Variants in TTI1 observed in about 807,000 individuals in gnomAD.
The protein encoded by TTI1 is TELO2 interacting protein 1, also known as TELO2-interacting protein 1 homolog.
Under a neutral mutation model 85.4 loss-of-function variants are expected in TTI1, and 52 were observed. The observed-to-expected ratio is 0.61, with a 90% CI of 0.49 to 0.77. TTI1 has a LOEUF of 0.77. Among genes scored for constraint, TTI1 ranks in the 30% least tolerant of loss-of-function variants. TTI1 has a pLI of 0.00. For missense variants in TTI1, 1,173 were observed against 1,296.0 expected (o/e 0.91, Z 1.46); for synonymous variants, 512 against 503.9 (o/e 1.02, Z -0.22).
At chr20:38,008,099 T>C (rs1204772589) in intron 2 of TTI1, among the ~76,000 whole-genome samples, 5 of 152,218 alleles carry the variant, frequency 3.3e-5, no homozygotes, top group Non-Finnish European at 7.3e-5. Context: ...TTTTCTCCTA[T>C]TGGATTAGCA....
intron 7 of TTI1, among the ~76,000 whole-genome samples, chr20:37,995,730 A>G (rs987670435): frequency 1.3e-5 from 2 of 152,246 alleles, no homozygotes; most frequent in Non-Finnish European, 2.9e-5. Flanking sequence ...TTCTTCTCCT[A>G]GAGGTGATAC....
chr20:37,984,634 G>A (rs1027844491), intron 7 of TTI1, among the ~76,000 whole-genome samples: 7 of 152,120 alleles, frequency 4.6e-5, no homozygotes, highest in Non-Finnish European at 8.8e-5. Flanking sequence ...GCTCACCATC[G>A]CCTGCTCGGA....
chr20:37,984,742 C>G (rs1476616870), intron 7 of TTI1, among the ~76,000 whole-genome samples: 1 of 152,178 alleles, frequency 6.6e-6, no homozygotes, highest in African/African-American at 2.4e-5. Flanking sequence ...CACATATTGA[C>G]CATTGATTGT....
In TTI1 at chr20:38,013,853, G is replaced by A; in HGVS notation, c.-37C>T. On this transcript the variant is annotated 5_prime_UTR_variant, in exon 2 of 8. Transcript: ENST00000373447. ...CTTCCCCTCATTGAGGAAACATCCT[G>A]CAGGCTGGAGGAAGGAAACTGTTCA... is the stretch of plus-strand genomic sequence containing the variant. 6.3e-7 allele frequency: 1 copy of A among 1,577,246 alleles called. No individual in the cohort carries two copies. The highest frequency in any genetic ancestry group is 1.2e-5 in the South Asian group (1 of 86,474).
At position 38,011,587 on chromosome 20, in the gene TTI1, T is replaced by C; in HGVS notation, c.2230A>G (p.Thr744Ala). The C allele has an allele frequency of 6.2e-7, 1 of 1,614,150 alleles. No individual in the cohort carries two copies. The change falls in exon 2 of 8, where the codon ACC becomes GCC. Residue 744 changes from threonine to alanine, a missense_variant. By Grantham distance (58) the Thr-to-Ala change is moderately conservative. Coordinates refer to ENST00000373447, the MANE Select transcript of TTI1 (RefSeq NM_001303457.2). Reference protein sequence around the residue: ...VADVVQDVLATLDQFYDKRAA... With the variant: ...VADVVQDVLAALDQFYDKRAA... Reference sequence around the variant, plus strand: ...CTCTTATCGTAAAATTGGTCCAGGGTGGCCAAGACATCTTGAACCACATCT... The same window carrying C: ...CTCTTATCGTAAAATTGGTCCAGGGCGGCCAAGACATCTTGAACCACATCT...
At chr20:38,016,109 G>C (rs1302106881) in intron 1 of TTI1, among the ~76,000 whole-genome samples, 1 of 152,176 alleles carries the variant, frequency 6.6e-6, no homozygotes, top group Non-Finnish European at 1.5e-5. Context: ...AGAAGACAGT[G>C]GAATAGCACC....
intron 7 of TTI1, 99 bp from the exon 8 acceptor site, chr20:37,983,738 A>G: frequency 1.8e-6 from 2 of 1,108,980 alleles, no homozygotes; most frequent in Non-Finnish European, 2.4e-6. Flanking sequence ...CTATTTGAGA[A>G]GAAACTGATA....
chr20:37,998,023 G>A (rs1275062317), intron 5 of TTI1, among the ~76,000 whole-genome samples: 2 of 152,086 alleles, frequency 1.3e-5, no homozygotes, highest in South Asian at 2.1e-4. Flanking sequence ...TCTGAAGCCC[G>A]AGTTCAAGCA....
chr20:38,033,059 T>A (rs1253844460), intron 1 of TTI1, among the ~76,000 whole-genome samples: 3 of 152,058 alleles, frequency 2.0e-5, no homozygotes, highest in African/African-American at 7.2e-5. Flanking sequence ...TGTTACAGAC[T>A]AAAAGGTCAA....
intron 5 of TTI1, among the ~76,000 whole-genome samples, chr20:37,997,408 G>C (rs1455875234): frequency 6.6e-6 from 1 of 152,220 alleles, no homozygotes; most frequent in African/African-American, 2.4e-5. Context: ...GGCATCAGGA[G>C]GTTAGTGACT....
chr20:38,023,970 T>C (rs1441399672), intron 1 of TTI1, among the ~76,000 whole-genome samples: 1 of 152,124 alleles, frequency 6.6e-6, no homozygotes, highest in Non-Finnish European at 1.5e-5. Context: ...TTCCGGAAAT[T>C]ACTCTAGGCT....
At position 38,002,863 on chromosome 20, in the gene TTI1, C is replaced by T; in HGVS notation, c.2504-87G>A. 2.6e-6 allele frequency: 4 copies of T among 1,567,146 alleles called. No homozygotes were observed. The Admixed American group carries it at 5.1e-5, about 20-fold the overall frequency. On this transcript the variant is annotated intron_variant, in intron 3 of 7. Coordinates refer to ENST00000373447, the MANE Select transcript of TTI1 (RefSeq NM_001303457.2). ...TTCTGTTCTTTATAAATTACTCAGT[C>T]TTAGGTATTTGGTTACAGCAGCACA... is the stretch of plus-strand genomic sequence containing the variant.
At chr20:38,019,370 T>C (rs1486688521) in intron 1 of TTI1, among the ~76,000 whole-genome samples, 5 of 152,150 alleles carry the variant, frequency 3.3e-5, no homozygotes, top group South Asian at 2.1e-4. Flanking sequence ...TTTGTGTATA[T>C]ATAAAACTAA....
chr20:38,031,355 G>C (rs1489714682), intron 1 of TTI1, among the ~76,000 whole-genome samples: 3 of 152,160 alleles, frequency 2.0e-5, no homozygotes, highest in Non-Finnish European at 4.4e-5. Flanking sequence ...TATCACTCCA[G>C]CTTTATTGTC....
At chr20:37,984,091 TTAA>T (rs1388625247) in intron 7 of TTI1, among the ~76,000 whole-genome samples, 4 of 152,084 alleles carry the variant, frequency 2.6e-5, no homozygotes, top group African/African-American at 9.7e-5. Context: ...TGAGCAAGCC[TTAA>T]TATTATGGTC....
At position 37,983,119 on chromosome 20, in the gene TTI1, G is replaced by T. The variant is rs975893274; in HGVS notation, c.*337C>A. On this transcript the variant is annotated 3_prime_UTR_variant, in exon 8 of 8. Coordinates refer to ENST00000373447, the MANE Select transcript of TTI1 (RefSeq NM_001303457.2). ...CATCTCATTATTTGAAGACAGGGAG[G>T]TGTATGCAGATGGAGGGGAACTGAC... The T allele has an allele frequency of 5.3e-6, 1 of 188,564 alleles. No homozygotes were observed. The highest frequency in any genetic ancestry group is 2.4e-5 in the African/African-American group (1 of 42,274). 11.7% of individuals were successfully genotyped at this position (188,564 alleles called of 1,614,324 possible). A position where few individuals can be genotyped will look rare whatever the true frequency, so the allele number is the denominator to read the frequency against.
intron 1 of TTI1, among the ~76,000 whole-genome samples, chr20:38,032,853 T>C (rs1293657001): frequency 6.6e-6 from 1 of 152,158 alleles, no homozygotes; most frequent in Admixed American, 6.5e-5. Context: ...CCTCAAATAG[T>C]GTGTCTCAAC....
intron 3 of TTI1, among the ~76,000 whole-genome samples, chr20:38,003,953 T>C (rs1405880628): frequency 1.3e-5 from 2 of 152,106 alleles, no homozygotes; most frequent in Non-Finnish European, 2.9e-5. Context: ...ACCTTACTTA[T>C]CTTTGTAGGT....
intron 2 of TTI1, among the ~76,000 whole-genome samples, chr20:38,007,444 G>T (rs939819201): frequency 7.9e-5 from 12 of 152,194 alleles, no homozygotes; most frequent in Admixed American, 5.9e-4. Flanking sequence ...GATCACAACA[G>T]GGAGGGCACC....
Sources: gnomAD v4.1 joint callset for allele counts (sites outside exome capture counted in the v4.1 genomes callset) on GRCh38, gnomAD v4.1.1 for gene constraint, MANE v1.5 for transcripts, NCBI Gene and HGNC (gene_info 2026-07-23, HGNC 2026-07-21) for gene names.